The following DAAM1 variants were observed in gnomAD, a reference collection of about 807,000 sequenced individuals.
DAAM1 encodes dishevelled associated activator of morphogenesis 1.
A neutral mutation model predicts 130.0 loss-of-function variants in DAAM1; 52 were observed. That is an observed-to-expected ratio of 0.40 (90% CI 0.32 to 0.50). DAAM1 has a LOEUF of 0.50. DAAM1 is among the 20% of genes least tolerant of loss of function. DAAM1 has a pLI of 0.61. For synonymous variants in DAAM1, 452 were observed against 444.5 expected (o/e 1.02, Z -0.21); for missense variants, 1,134 against 1,303.8 (o/e 0.87, Z 2.01).
intron 1 of DAAM1, among the ~76,000 whole-genome samples, chr14:59,214,239 C>T (rs1354393780): frequency 6.6e-6 from 1 of 152,130 alleles, no homozygotes; most frequent in African/African-American, 2.4e-5. Flanking sequence ...CATGAGAAAC[C>T]TCTTTGTCTT....
chr14:59,319,117 A>G (rs1884905539), intron 4 of DAAM1, among the ~76,000 whole-genome samples: 1 of 152,074 alleles, frequency 6.6e-6, no homozygotes, highest in African/African-American at 2.4e-5. Context: ...TTTCCAGGGG[A>G]TGGGTCTCAG....
intron 2 of DAAM1, 48 bp from the exon 3 acceptor site, chr14:59,291,169 G>A: frequency 6.8e-7 from 1 of 1,468,304 alleles, no homozygotes; most frequent in South Asian, 1.3e-5. Context: ...GTTCTCTACA[G>A]GAATAATGTT....
At chr14:59,332,811 G>A (rs1337199712) in intron 15 of DAAM1, among the ~76,000 whole-genome samples, 1 of 152,190 alleles carries the variant, frequency 6.6e-6, no homozygotes, top group Non-Finnish European at 1.5e-5. Flanking sequence ...TCTTAAGTAT[G>A]ACTGAAGAGG....
chr14:59,313,822 C>T (rs1276777465), intron 3 of DAAM1, among the ~76,000 whole-genome samples: 1 of 152,206 alleles, frequency 6.6e-6, no homozygotes, highest in Non-Finnish European at 1.5e-5. Flanking sequence ...AAAAACTCAT[C>T]AGATTTCCTA....
chr14:59,330,963 G>A (rs547108546), intron 13 of DAAM1, among the ~76,000 whole-genome samples: 5 of 152,244 alleles, frequency 3.3e-5, no homozygotes, highest in African/African-American at 1.2e-4. Flanking sequence ...TGTCTGTGAT[G>A]GTGCAAGAAG....
intron 1 of DAAM1, among the ~76,000 whole-genome samples, chr14:59,205,413 AT>A (rs1319072632): frequency 6.6e-6 from 1 of 152,252 alleles, no homozygotes; most frequent in Non-Finnish European, 1.5e-5. Context: ...AATAGATAAC[AT>A]TTAAAAATAT....
At chr14:59,304,997 A>C (rs1486165933) in intron 3 of DAAM1, among the ~76,000 whole-genome samples, 1 of 152,258 alleles carries the variant, frequency 6.6e-6, no homozygotes, top group African/African-American at 2.4e-5. Context: ...GGCTGGTTAC[A>C]GAACATCAAA....
At chr14:59,244,239 C>A (rs73295958) in intron 1 of DAAM1, among the ~76,000 whole-genome samples, 8,733 of 123,490 alleles carry the variant, frequency 0.071, 857 homozygotes, top group African/African-American at 0.21. Context: ...GTCCACTAAA[C>A]CTATTTTTTT....
intron 16 of DAAM1, among the ~76,000 whole-genome samples, chr14:59,346,682 A>G (rs910272771): frequency 6.6e-6 from 1 of 152,150 alleles, no homozygotes; most frequent in Non-Finnish European, 1.5e-5. Flanking sequence ...TAATAATGTG[A>G]TCAAGATTTT....
chr14:59,367,996 G>GCATAAA (rs1172058771), intron 24 of DAAM1, among the ~76,000 whole-genome samples: 11 of 152,064 alleles, frequency 7.2e-5, no homozygotes, highest in African/African-American at 2.7e-4. Flanking sequence ...TGAAAGACAT[G>GCATAAA]TATTCAAAGA....
At chr14:59,315,525 G>C (rs1028592458) in intron 4 of DAAM1, among the ~76,000 whole-genome samples, 174 bp downstream of exon 4, 1 of 152,068 alleles carries the variant, frequency 6.6e-6, no homozygotes, top group African/African-American at 2.4e-5. Context: ...GGGATACTTG[G>C]CAAAGTGATT....
Position 59,342,799 on chromosome 14 carries a change from T to C in DAAM1, c.2075+2619T>C, listed in dbSNP as rs544720988. 8.5e-5 allele frequency among the ~76,000 whole-genome samples: 13 copies of C among 152,220 alleles called. No homozygotes were observed. In the South Asian group the frequency reaches 2.7e-3, roughly 32 times the overall value. On this transcript the variant is annotated intron_variant, in intron 16 of 24. Coordinates refer to ENST00000360909, the MANE Select transcript of DAAM1 (RefSeq NM_001270520.2). ...GTAGGAGGGGCACCAGCAGGGCTTA[T>C]TGTAGAAAGTAGGCCTCAAAGGCAA...
intron 1 of DAAM1, among the ~76,000 whole-genome samples, chr14:59,227,391 C>G (rs183928757): frequency 6.6e-6 from 1 of 152,278 alleles, no homozygotes; most frequent in Admixed American, 6.5e-5. Flanking sequence ...TTCTTGTTAT[C>G]TTACGTAGTT....
At chr14:59,335,700 A>G (rs913930367) in intron 15 of DAAM1, among the ~76,000 whole-genome samples, 2 of 152,026 alleles carry the variant, frequency 1.3e-5, no homozygotes, top group Non-Finnish European at 2.9e-5. Context: ...TCCTATTGTC[A>G]TCACATTGTA....
In DAAM1 at chr14:59,322,984, A is replaced by C; in HGVS notation, c.533A>C (p.His178Pro). The change falls in exon 6 of 25, where the codon CAT becomes CCT. Residue 178 changes from histidine (H) to proline (P), a missense_variant. His to Pro is a moderately conservative substitution (Grantham distance 77). Transcript: ENST00000360909. ...TACGAGACCTCAGAGTCTCGAATAC[A>C]TACTTCTCTCATTGGCTGTATAAAG... ...MDYETSESRI[H>P]TSLIGCIKAL... 3 of 1,614,182 alleles carry C rather than the reference A, an allele frequency of 1.9e-6. No homozygotes were observed. Among genetic ancestry groups the C allele is most frequent in the Non-Finnish European group, 2.5e-6 (3 of 1,180,020 alleles).
intron 17 of DAAM1, among the ~76,000 whole-genome samples, chr14:59,350,824 C>A (rs536355908): frequency 2.0e-5 from 3 of 152,092 alleles, no homozygotes; most frequent in African/African-American, 7.2e-5. Context: ...CTTGTCCTGG[C>A]GCCTTGAATG....
intron 2 of DAAM1, among the ~76,000 whole-genome samples, chr14:59,280,014 C>T (rs895352681): frequency 2.0e-5 from 3 of 152,042 alleles, no homozygotes; most frequent in Admixed American, 6.5e-5. Flanking sequence ...ATTAGGAAAA[C>T]GTAAACTAAA....
At chr14:59,289,053 C>G (rs996058713) in intron 2 of DAAM1, among the ~76,000 whole-genome samples, 6 of 152,082 alleles carry the variant, frequency 3.9e-5, no homozygotes, top group African/African-American at 1.4e-4. Flanking sequence ...GTAGCTGGGA[C>G]TACAGGCGTG....
At chr14:59,354,062 ATTTT>A (rs10713024) in intron 19 of DAAM1, 98 bp downstream of exon 19, 337 of 882,880 alleles carry the variant, frequency 3.8e-4, no homozygotes, top group East Asian at 6.9e-4. Context: ...CCCCTTGGTG[ATTTT>A]TTTTTTTTTT....
Sources: gnomAD v4.1 joint callset for allele counts (sites outside exome capture counted in the v4.1 genomes callset) on GRCh38, gnomAD v4.1.1 for gene constraint, MANE v1.5 for transcripts, NCBI Gene and HGNC (gene_info 2026-07-23, HGNC 2026-07-21) for gene names.